Variants in TEX14 observed in about 807,000 individuals in gnomAD.
TEX14 encodes the protein inactive serine/threonine-protein kinase TEX14.
TEX14 carries 168 observed loss-of-function variants against 178.6 expected under a neutral mutation model. The observed-to-expected ratio is 0.94, with a 90% CI of 0.83 to 1.07. The LOEUF (loss-of-function observed/expected upper bound fraction) is 1.07, where lower values mean the gene tolerates loss of function less well. Among genes scored for constraint, TEX14 ranks in the 50% least tolerant of loss-of-function variants. The pLI, the probability that TEX14 is intolerant of heterozygous loss-of-function variation, is 0.00. For missense variants in TEX14, 1,730 were observed against 1,753.6 expected, an observed-to-expected ratio of 0.99 and a Z score of 0.24; for synonymous variants, 626 against 634.1, an observed-to-expected ratio of 0.99 and a Z score of 0.19.
chr17:58,658,263 C>T (rs1334650392), intron 1 of TEX14, among the ~76,000 whole-genome samples: 2 of 152,170 alleles, frequency 1.3e-5, no homozygotes, highest in Admixed American at 6.6e-5. Context: ...TGAATTGGCT[C>T]TGTCTAGGCA....
At chr17:58,690,187 G>A (rs1199291432) in intron 1 of TEX14, among the ~76,000 whole-genome samples, 2 of 151,644 alleles carry the variant, frequency 1.3e-5, no homozygotes, top group Non-Finnish European at 2.9e-5. Context: ...TTGTTTTTGA[G>A]ATGGAGTCTC....
intron 2 of TEX14, among the ~76,000 whole-genome samples, chr17:58,635,894 C>T (rs1451053691): frequency 4.6e-5 from 7 of 152,020 alleles, no homozygotes; most frequent in African/African-American, 1.4e-4. Flanking sequence ...CACAGGCAGC[C>T]GCCACTACGC....
Position 58,681,354 on chromosome 17 carries a change from T to C in TEX14, c.-2+10585A>G, listed in dbSNP as rs181852320. On this transcript the variant is annotated intron_variant, in intron 1 of 31. Coordinates refer to ENST00000349033, the MANE Select transcript of TEX14 (RefSeq NM_031272.5). ...TCTTAGATGGGGAGAAAAAGAATAT[T>C]GGGACAAGGAGGTAGGGGATTCTGT... is the stretch of plus-strand genomic sequence containing the variant. Among the ~76,000 whole-genome samples, 9 of 152,200 alleles carry C rather than the reference T, an allele frequency of 5.9e-5. No homozygotes were observed. The East Asian group carries it at 7.7e-4, about 13-fold the overall frequency.
In TEX14 at chr17:58,613,471, C is replaced by T. The variant is rs751013649; in HGVS notation, c.955G>A (p.Val319Met). The change falls in exon 9 of 32, where the codon GTG (valine) becomes ATG (methionine). Residue 319 changes from valine (V) to methionine (M), a missense_variant. Val to Met is a conservative substitution (Grantham distance 21). This residue lies in a region of TEX14 where 789 missense variants were observed against 681.2 expected (regional missense o/e 1.16). Transcript: ENST00000349033. ...LSQDLEKTRL[V>M]YERITIGTLF... ...GTGCCGATAGTGATGCGCTCGTACACAAGGCGGGTTTTCTCTAGGTCCTGG... is the reference window on the plus strand; with the variant it reads ...GTGCCGATAGTGATGCGCTCGTACATAAGGCGGGTTTTCTCTAGGTCCTGG... 3.7e-6 allele frequency: 6 copies of T among 1,614,086 alleles called. No homozygotes were observed. The East Asian group carries it at 1.3e-4, about 36-fold the overall frequency.
chr17:58,661,561 C>G (rs1231958306), intron 1 of TEX14: 1 of 743,290 alleles, frequency 1.3e-6, no homozygotes, highest in African/African-American at 1.7e-5. Flanking sequence ...GCTCGGGGAG[C>G]CGCGGCGGCG....
chr17:58,631,418 A>G (rs2046285241), intron 2 of TEX14, among the ~76,000 whole-genome samples: 1 of 152,144 alleles, frequency 6.6e-6, no homozygotes, highest in African/African-American at 2.4e-5. Context: ...GTGCCATTGC[A>G]CTCCAGGACC....
At position 58,586,079 on chromosome 17, in the gene TEX14, T is replaced by A; in HGVS notation, c.2792A>T (p.Glu931Val). The A allele has an allele frequency of 6.2e-7, 1 of 1,611,832 alleles. No individual in the cohort carries two copies. The highest frequency in any genetic ancestry group is 8.5e-7 in the Non-Finnish European group (1 of 1,178,374). Residue 931 changes from glutamate (E) to valine (V), a missense_variant, in exon 18 of 32, where the codon GAG becomes GTG. Physicochemically the swap from Glu to Val is moderately radical, Grantham distance 121. Around this residue, in one of 2 missense-constraint regions of TEX14, gnomAD observed 941 missense variants for 1,072.4 expected, o/e 0.88. Transcript: ENST00000349033. ...DGKVHLKWKM[E>V]VKEMAKKAAT... ...TGCTTTCTTTGCCATTTCTTTCACC[T>A]CCACTGTGCATAAGAGAAAGCAGCA...
intron 19 of TEX14, among the ~76,000 whole-genome samples, chr17:58,584,038 ATCC>A (rs1487800201): frequency 6.6e-6 from 1 of 152,186 alleles, no homozygotes; most frequent in Non-Finnish European, 1.5e-5. Flanking sequence ...ACGCATATAG[ATCC>A]TGCTGAGGTG....
rs184997155 is a variant in TEX14, at chr17:58,616,960, G to A, written c.636+578C>T. ...GCTGCCTCAACACAACAAACAGAACGGGGAGTAGGGCTGGGCGAGTTGGCT... is the reference window on the plus strand; with the variant it reads ...GCTGCCTCAACACAACAAACAGAACAGGGAGTAGGGCTGGGCGAGTTGGCT... On this transcript the variant is annotated intron_variant, in intron 6 of 31. Coordinates refer to ENST00000349033, the MANE Select transcript of TEX14 (RefSeq NM_031272.5). Among the ~76,000 whole-genome samples, 404 of 152,260 alleles carry A rather than the reference G, an allele frequency of 2.7e-3. 1 individual carries two copies. The highest frequency in any genetic ancestry group is 9.4e-3 in the African/African-American group (389 of 41,574).
Position 58,598,883 on chromosome 17 carries a change from G to C in TEX14, c.2462C>G (p.Pro821Arg), listed in dbSNP as rs1177979322. Residue 821 changes from proline (P) to arginine (R), a missense_variant, in exon 14 of 32, where the codon CCA (proline) becomes CGA (arginine). Pro to Arg is a moderately radical substitution (Grantham distance 103, BLOSUM62 -2). Around this residue, in one of 2 missense-constraint regions of TEX14, gnomAD observed 941 missense variants for 1,072.4 expected, o/e 0.88. Coordinates refer to ENST00000349033, the MANE Select transcript of TEX14 (RefSeq NM_031272.5). Reference sequence around the variant, plus strand: ...CCCTTGAAAGTCTCTTACCATTCTTGGAAATCTTGGTAGGGTTGGGTAGTT... The same window carrying C: ...CCCTTGAAAGTCTCTTACCATTCTTCGAAATCTTGGTAGGGTTGGGTAGTT... ...SGNYPTLPRFPRMLPTLCDPG... is the reference protein window; with the variant it reads ...SGNYPTLPRFRRMLPTLCDPG... 1 of 1,593,888 alleles carries C rather than the reference G, an allele frequency of 6.3e-7. No homozygotes were observed. The highest frequency in any genetic ancestry group is 1.4e-5 in the African/African-American group (1 of 73,978).
chr17:58,639,692 G>A (rs1242667868), intron 2 of TEX14, among the ~76,000 whole-genome samples: 1 of 152,116 alleles, frequency 6.6e-6, no homozygotes. Context: ...TCTGGTAAAG[G>A]TGCCTGGTCC....
intron 3 of TEX14, among the ~76,000 whole-genome samples, chr17:58,627,732 TG>T (rs2046178633): frequency 7.2e-6 from 1 of 138,724 alleles, no homozygotes; most frequent in African/African-American, 2.7e-5. Context: ...ATCATGCCAC[TG>T]CACTCCAGCC....
At chr17:58,659,236 A>C (rs202091694) in intron 1 of TEX14, 46 of 456,076 alleles carry the variant, frequency 1.0e-4, no homozygotes, top group East Asian at 3.0e-4. Flanking sequence ...GCAAACACAT[A>C]GTAAAAACCC....
chr17:58,583,545 G>A (rs1343757372), intron 19 of TEX14, among the ~76,000 whole-genome samples: 3 of 152,194 alleles, frequency 2.0e-5, no homozygotes, highest in African/African-American at 7.2e-5. Flanking sequence ...AATTATAGGT[G>A]TGAGCCACTA....
intron 20 of TEX14, among the ~76,000 whole-genome samples, chr17:58,578,552 T>C (rs368642787): frequency 6.6e-6 from 1 of 152,124 alleles, no homozygotes; most frequent in Non-Finnish European, 1.5e-5. Context: ...AAGAAGTGAA[T>C]GGAGTAGAAA....
intron 1 of TEX14, among the ~76,000 whole-genome samples, chr17:58,663,253 T>C (rs186839485): frequency 6.6e-6 from 1 of 151,682 alleles, no homozygotes; most frequent in Non-Finnish European, 1.5e-5. Context: ...AGAAACCCTG[T>C]CTCTACTAAA....
chr17:58,558,933 G>A (rs1456914671), intron 30 of TEX14, among the ~76,000 whole-genome samples: 1 of 152,148 alleles, frequency 6.6e-6, no homozygotes, highest in Non-Finnish European at 1.5e-5. Flanking sequence ...ACTTTGGGAG[G>A]CCGAGGCAGG....
intron 20 of TEX14, among the ~76,000 whole-genome samples, 158 bp downstream of exon 20, chr17:58,579,507 T>C (rs1301225997): frequency 6.6e-6 from 1 of 152,242 alleles, no homozygotes; most frequent in African/African-American, 2.4e-5. Flanking sequence ...ATTTGTTCTA[T>C]TGAGGAGAAA....
At chr17:58,634,002 C>A (rs889224398) in intron 2 of TEX14, among the ~76,000 whole-genome samples, 4 of 150,436 alleles carry the variant, frequency 2.7e-5, no homozygotes, top group Non-Finnish European at 4.4e-5. Flanking sequence ...GGAAAGAAGC[C>A]AAAAAGTAGG....
Sources: gnomAD v4.1 joint callset for allele counts (sites outside exome capture counted in the v4.1 genomes callset) on GRCh38, gnomAD v4.1.1 for gene constraint, gnomAD v4.1.1 regional missense constraint, MANE v1.5 for transcripts, NCBI Gene and HGNC (gene_info 2026-07-23, HGNC 2026-07-21) for gene names.